Variants in ELFN1 observed in about 807,000 individuals in gnomAD.
ELFN1 encodes the protein protein ELFN1.
Under a neutral mutation model 7.6 loss-of-function variants are expected in ELFN1, and 6 were observed. That is an observed-to-expected ratio of 0.79 (90% confidence interval 0.43 to 1.56). The LOEUF is 1.56. Ranked by LOEUF, ELFN1 falls within the 40% of genes most tolerant of loss-of-function variation. The pLI is 0.01. For missense variants in ELFN1, 1,169 were observed against 1,232.2 expected (o/e 0.95, Z 0.77); for synonymous variants, 657 against 588.1 (o/e 1.12, Z -1.70).
chr7:1,746,300 C>T lies in ELFN1; in HGVS notation c.1704C>T (p.Ile568=). 2 of 1,594,670 alleles carry T rather than the reference C, an allele frequency of 1.3e-6. No individual in the cohort carries two copies. The highest frequency in any genetic ancestry group is 1.7e-4 in the Middle Eastern group (1 of 6,046). The change falls in exon 4 of 4, where the codon ATC becomes ATT. Residue 568 remains isoleucine, a synonymous_variant. Coordinates refer to ENST00000424383, the MANE Select transcript of ELFN1 (RefSeq NM_001128636.4). The part of the protein sequence containing the change: ...IAKEVDKVNQ[I]INNCIDALKS... ...AGGAGGTGGACAAGGTCAACCAGAT[C>T]ATCAACAACTGCATCGACGCGCTCA...
At chr7:1,709,417 G>A (rs888736847) in intron 3 of ELFN1, among the ~76,000 whole-genome samples, 165 bp downstream of exon 3, 4 of 152,246 alleles carry the variant, frequency 2.6e-5, no homozygotes, top group African/African-American at 9.6e-5. Flanking sequence ...CTTGTTCAAT[G>A]GTGCTGCCCT....
rs570309752 is a variant in ELFN1, at chr7:1,739,761, C to T, written c.-293-4543C>T. ...GAGGCTGAGCAAGACAAAAATGGGC[C>T]CTGGCAGGGCAGAGGTCACCGGTGG... On this transcript the variant is annotated intron_variant, in intron 3 of 3. Coordinates refer to ENST00000424383, the MANE Select transcript of ELFN1 (RefSeq NM_001128636.4). The surrounding 1 kb of genome is among the most constrained non-coding windows in gnomAD (Gnocchi z 4.6). Among the ~76,000 whole-genome samples the T allele has an allele frequency of 4.7e-4, 71 of 152,204 alleles. No homozygotes were observed. The highest frequency in any genetic ancestry group is 3.1e-3 in the South Asian group (15 of 4,814).
chr7:1,724,098 C>T (rs1780107525), intron 3 of ELFN1, among the ~76,000 whole-genome samples: 1 of 152,206 alleles, frequency 6.6e-6, no homozygotes, highest in South Asian at 2.1e-4. Flanking sequence ...AACATGTCTG[C>T]CCCTCGTCTG....
chr7:1,701,472 C>A lies in ELFN1; in HGVS notation c.-455-7619C>A, dbSNP rs181525046. Among the ~76,000 whole-genome samples, 197 of 152,272 alleles carry A rather than the reference C, an allele frequency of 1.3e-3. 1 individual carries two copies. Among genetic ancestry groups the A allele is most frequent in the African/African-American group, 4.5e-3 (188 of 41,534 alleles). On this transcript the variant is annotated intron_variant, in intron 2 of 3. Coordinates refer to ENST00000424383, the MANE Select transcript of ELFN1 (RefSeq NM_001128636.4). ...ATGTAGTAATATTTATCAATATATT[C>A]TTGCATGAGTGGGAAGAAATTCTTC...
chr7:1,736,925 G>A (rs1583393955), intron 3 of ELFN1, among the ~76,000 whole-genome samples: 1 of 151,698 alleles, frequency 6.6e-6, no homozygotes, highest in East Asian at 1.9e-4. Context: ...TCTGAGCAGA[G>A]AAGCCCAGGG....
At chr7:1,680,465 G>A (rs1562357288) in intron 1 of ELFN1, among the ~76,000 whole-genome samples, 1 of 152,202 alleles carries the variant, frequency 6.6e-6, no homozygotes, top group Non-Finnish European at 1.5e-5. Context: ...GGCAGCGGCT[G>A]TGCTGCGCTT....
upstream of ELFN1, among the ~76,000 whole-genome samples, chr7:1,666,393 G>T (rs1778671712): frequency 6.6e-6 from 1 of 151,984 alleles, no homozygotes; most frequent in Non-Finnish European, 1.5e-5. The surrounding 1 kb of genome is among the most constrained non-coding windows in gnomAD (Gnocchi z 7.9). Context: ...GAGTCTCCCC[G>T]CCCGCGGGGC....
At position 1,695,723 on chromosome 7, in the gene ELFN1, G is replaced by C. The variant is rs1210703648; in HGVS notation, c.-456+7573G>C. ...AGATCGCGCCACTGCACTGCAGCCT[G>C]GGTGACAGAGCGAGACTCCGTGTCA... On this transcript the variant is annotated intron_variant, in intron 2 of 3. Coordinates refer to ENST00000424383, the MANE Select transcript of ELFN1 (RefSeq NM_001128636.4). The surrounding 1 kb of genome is among the most constrained non-coding windows in gnomAD (Gnocchi z 5.1). 6.7e-6 allele frequency among the ~76,000 whole-genome samples: 1 copy of C among 148,744 alleles called. No homozygotes were observed. Among genetic ancestry groups the C allele is most frequent in the Non-Finnish European group, 1.5e-5 (1 of 67,384 alleles).
chr7:1,691,876 C>A (rs373118285), intron 2 of ELFN1: 1 of 152,252 alleles, frequency 6.6e-6, no homozygotes, highest in Non-Finnish European at 1.5e-5. Flanking sequence ...GCGCCTCGGG[C>A]GGTGTGGGGA....
At chr7:1,724,732 G>A (rs1210834371) in intron 3 of ELFN1, among the ~76,000 whole-genome samples, 1 of 152,188 alleles carries the variant, frequency 6.6e-6, no homozygotes, top group African/African-American at 2.4e-5. Flanking sequence ...TGTCACAGAG[G>A]CCGGGTGTGT....
chr7:1,732,927 A>G (rs1422902360), intron 3 of ELFN1, among the ~76,000 whole-genome samples: 1 of 151,990 alleles, frequency 6.6e-6, no homozygotes, highest in Non-Finnish European at 1.5e-5. Flanking sequence ...TTGAGACAGA[A>G]TCTCACTCTG....
rs1780773715 is a variant in ELFN1 at position 1,746,033 on chromosome 7, C to A, written c.1437C>A (p.Gly479=). The A allele has an allele frequency of 1.9e-6, 3 of 1,545,830 alleles. No individual in the cohort carries two copies. The highest frequency in any genetic ancestry group is 2.4e-5 in the South Asian group (2 of 83,782). ...LKYGPELEAP[G]LAPLSQGPLL... ...ACGGGCCAGAGCTGGAGGCGCCCGG[C>A]CTGGCCCCGCTGTCCCAGGGCCCGC... The change falls in exon 4 of 4, where the codon GGC becomes GGA. Residue 479 remains glycine, a synonymous_variant. Transcript: ENST00000424383.
In ELFN1 at chr7:1,706,455, AAAACAAAACAAAAC is replaced by A. The variant is rs1779532886; in HGVS notation, c.-455-2634_-455-2621del. ...AAAACAAAACAAAACAAAACAAAAC[AAAACAAAACAAAAC>A]ACCCAGCAGTTCCACATCCTTCAAG... is the stretch of plus-strand genomic sequence containing the variant. On this transcript the variant is annotated intron_variant, in intron 2 of 3. Coordinates refer to ENST00000424383, the MANE Select transcript of ELFN1 (RefSeq NM_001128636.4). 3.3e-5 allele frequency among the ~76,000 whole-genome samples: 5 copies of A among 151,524 alleles called. No individual in the cohort carries two copies. In the South Asian group the frequency reaches 8.3e-4, roughly 25 times the overall value.
At position 1,670,370 on chromosome 7, in the gene ELFN1, G is replaced by A. The variant is rs890372770; in HGVS notation, c.-549+16G>A. On this transcript the variant is annotated intron_variant, in intron 1 of 3. Coordinates refer to ENST00000424383, the MANE Select transcript of ELFN1 (RefSeq NM_001128636.4). This position sits in a 1 kb window ranked among gnomAD's most constrained non-coding sequence, Gnocchi z 6.4. Reference sequence around the variant, plus strand: ...GGGCGGGCAGGTAAGCGGCGAGCGCGGCCGGGCGCTGAACCTGGGGGACTT... The same window carrying A: ...GGGCGGGCAGGTAAGCGGCGAGCGCAGCCGGGCGCTGAACCTGGGGGACTT... Among the ~76,000 whole-genome samples, 7 of 151,712 alleles carry A rather than the reference G, an allele frequency of 4.6e-5. No homozygotes were observed. Among genetic ancestry groups the A allele is most frequent in the African/African-American group, 1.7e-4 (7 of 41,356 alleles).
At chr7:1,718,397 A>T (rs530426154) in intron 3 of ELFN1, among the ~76,000 whole-genome samples, 107 of 152,118 alleles carry the variant, frequency 7.0e-4, no homozygotes, top group Middle Eastern at 3.2e-3. Flanking sequence ...AGAGTGGGTC[A>T]CCCTCAGCGG....
At chr7:1,672,800 C>T (rs778781251) in intron 1 of ELFN1, among the ~76,000 whole-genome samples, 6 of 151,978 alleles carry the variant, frequency 3.9e-5, no homozygotes, top group African/African-American at 4.8e-5. Flanking sequence ...CAGACACCAT[C>T]GCATTGGAGG....
rs1779288395 is a variant in ELFN1 at position 1,695,732 on chromosome 7, A to G, written c.-456+7582A>G. 8.1e-6 allele frequency among the ~76,000 whole-genome samples: 1 copy of G among 123,930 alleles called. No homozygotes were observed. Among genetic ancestry groups the G allele is most frequent in the Non-Finnish European group, 1.6e-5 (1 of 63,152 alleles). The allele number at this position is 123,930 out of a possible 152,430, so 81.3% of individuals were successfully genotyped here. ...CACTGCACTGCAGCCTGGGTGACAG[A>G]GCGAGACTCCGTGTCAAAAAAAAAA... On this transcript the variant is annotated intron_variant, in intron 2 of 3. Coordinates refer to ENST00000424383, the MANE Select transcript of ELFN1 (RefSeq NM_001128636.4). The surrounding 1 kb of genome is among the most constrained non-coding windows in gnomAD (Gnocchi z 5.1).
rs1253821340 is a variant in ELFN1 at position 1,709,260 on chromosome 7, A to G, written c.-294+8A>G. 6.6e-6 allele frequency: 1 copy of G among 152,290 alleles called. No homozygotes were observed. The highest frequency in any genetic ancestry group is 2.4e-5 in the African/African-American group (1 of 41,456). The allele number at this position is 152,290 out of a possible 1,614,324, so 9.4% of individuals were successfully genotyped here. On this transcript the variant is annotated splice_region_variant and intron_variant, in intron 3 of 3. Coordinates refer to ENST00000424383, the MANE Select transcript of ELFN1 (RefSeq NM_001128636.4). ...GCGGGCCCTGACACACAAGTAAGGC[A>G]TGCTCTTGTTCCTCATGCTCTCCGC...
intron 3 of ELFN1, among the ~76,000 whole-genome samples, chr7:1,711,869 C>A (rs533433631): frequency 3.3e-5 from 5 of 152,174 alleles, no homozygotes; most frequent in African/African-American, 1.2e-4. Context: ...GGGGAGGGGG[C>A]GGCAGCTCGG....
Sources: allele counts gnomAD v4.1 joint callset (sites outside exome capture counted in the v4.1 genomes callset), GRCh38; gene constraint gnomAD v4.1.1; non-coding constraint Gnocchi (gnomAD v3.1); transcripts MANE v1.5; gene names NCBI Gene and HGNC (gene_info 2026-07-23, HGNC 2026-07-21).